GBE1: variants seen among roughly 807,000 people sequenced by gnomAD.
GBE1 encodes 1,4-alpha-glucan branching enzyme 1.
In GBE1, 70 loss-of-function variants were observed where a neutral mutation model predicts 88.8. The ratio of observed to expected loss-of-function variants is 0.79; its 90% CI spans 0.65 to 0.96. The LOEUF (loss-of-function observed/expected upper bound fraction) is 0.96. Ranked by LOEUF, GBE1 falls within the 40% of genes least tolerant of loss-of-function variation. GBE1 has a pLI of 0.00. For synonymous variants in GBE1, 284 were observed against 300.1 expected (o/e 0.95, Z 0.56); for missense variants, 872 against 871.0 (o/e 1.00, Z -0.01).
intron 7 of GBE1, among the ~76,000 whole-genome samples, chr3:81,597,875 A>G (rs1183343853): frequency 6.6e-6 from 1 of 151,956 alleles, no homozygotes; most frequent in African/African-American, 2.4e-5. Context: ...CCTGTAATCA[A>G]GTAATGAGGA....
At chr3:81,495,404 A>G (rs1350562813) in intron 15 of GBE1, among the ~76,000 whole-genome samples, 2 of 152,130 alleles carry the variant, frequency 1.3e-5, no homozygotes, top group Non-Finnish European at 2.9e-5. Context: ...AAACAAACAA[A>G]CATCATTCAA....
At chr3:81,500,611 G>A (rs765038101) in intron 14 of GBE1, among the ~76,000 whole-genome samples, 5 of 152,132 alleles carry the variant, frequency 3.3e-5, no homozygotes, top group Non-Finnish European at 7.4e-5. Flanking sequence ...GGCTAAGTAA[G>A]GCAAGCATAT....
At chr3:81,621,570 A>C (rs934312663) in intron 7 of GBE1, among the ~76,000 whole-genome samples, 2 of 152,026 alleles carry the variant, frequency 1.3e-5, no homozygotes, top group Non-Finnish European at 2.9e-5. Context: ...TTCACCCCCC[A>C]ACAGAAAATT....
At chr3:81,570,744 T>C (rs191646068) in intron 12 of GBE1, among the ~76,000 whole-genome samples, 7 of 152,320 alleles carry the variant, frequency 4.6e-5, no homozygotes, top group African/African-American at 1.7e-4. Flanking sequence ...ATTGATCATG[T>C]GTATACAGTA....
intron 12 of GBE1, among the ~76,000 whole-genome samples, chr3:81,553,683 C>T (rs1167468768): frequency 1.3e-5 from 1 of 79,336 alleles, no homozygotes; most frequent in Non-Finnish European, 2.2e-5. Context: ...CTATGAGAGC[C>T]ATAAGAAAAA....
chr3:81,633,965 A>G (rs1299612436), intron 7 of GBE1, among the ~76,000 whole-genome samples: 1 of 152,186 alleles, frequency 6.6e-6, no homozygotes, highest in Non-Finnish European at 1.5e-5. Flanking sequence ...GAGGTTTCAT[A>G]TAAAATGTGG....
chr3:81,565,268 C>CCT (rs1703476380), intron 12 of GBE1, among the ~76,000 whole-genome samples: 1 of 152,134 alleles, frequency 6.6e-6, no homozygotes, highest in Admixed American at 6.6e-5. Context: ...AGCAAACTTG[C>CCT]CTCAACAAGC....
At chr3:81,662,022 CA>C (rs1705038634) in intron 3 of GBE1, among the ~76,000 whole-genome samples, 1 of 151,974 alleles carries the variant, frequency 6.6e-6, no homozygotes, top group Admixed American at 6.6e-5. Context: ...CTAATTTATT[CA>C]TTTTTTTAAT....
At chr3:81,681,769 A>G (rs1277661464) in intron 2 of GBE1, among the ~76,000 whole-genome samples, 2 of 152,222 alleles carry the variant, frequency 1.3e-5, no homozygotes, top group South Asian at 4.1e-4. Context: ...CCACATAAAA[A>G]AAGAATAAAT....
intron 7 of GBE1, among the ~76,000 whole-genome samples, chr3:81,606,771 T>A (rs1704107784): frequency 6.6e-6 from 1 of 152,226 alleles, no homozygotes; most frequent in Non-Finnish European, 1.5e-5. Flanking sequence ...GCCAACCATA[T>A]CACTTTTGGT....
At chr3:81,652,896 G>T (rs989456326) in intron 3 of GBE1, among the ~76,000 whole-genome samples, 10 of 152,110 alleles carry the variant, frequency 6.6e-5, no homozygotes, top group African/African-American at 2.4e-4. Flanking sequence ...CTGCATTTGT[G>T]TTATGCTCCA....
chr3:81,666,013 G>A (rs941504664), intron 3 of GBE1, among the ~76,000 whole-genome samples: 1 of 142,364 alleles, frequency 7.0e-6, no homozygotes, highest in African/African-American at 2.7e-5. Flanking sequence ...CAGAATAAAT[G>A]CTAATTTATA....
chr3:81,555,853 G>C (rs373041457), intron 12 of GBE1, among the ~76,000 whole-genome samples: 15 of 152,256 alleles, frequency 9.9e-5, no homozygotes, highest in African/African-American at 3.4e-4. Flanking sequence ...CTGCTTTCTA[G>C]AGAATAGACA....
chr3:81,618,562 A>G (rs2107007799), intron 7 of GBE1, among the ~76,000 whole-genome samples: 1 of 152,268 alleles, frequency 6.6e-6, no homozygotes, highest in South Asian at 2.1e-4. Context: ...AACTTTGAAT[A>G]GCAGTGAGAA....
intron 15 of GBE1, among the ~76,000 whole-genome samples, chr3:81,495,106 G>A (rs1169654783): frequency 6.6e-6 from 1 of 152,144 alleles, no homozygotes; most frequent in Non-Finnish European, 1.5e-5. Context: ...ATCATTCAGT[G>A]GGTCGGGCAT....
chr3:81,625,304 T>C (rs991371100), intron 7 of GBE1, among the ~76,000 whole-genome samples: 1 of 152,210 alleles, frequency 6.6e-6, no homozygotes, highest in African/African-American at 2.4e-5. Context: ...GCATTGGCTA[T>C]GATCTTTTAA....
chr3:81,544,239 A>C (rs1703177243), intron 12 of GBE1, among the ~76,000 whole-genome samples: 1 of 152,186 alleles, frequency 6.6e-6, no homozygotes, highest in East Asian at 1.9e-4. Flanking sequence ...TCAACAGATA[A>C]GAGGCTTAGA....
chr3:81,546,214 A>G (rs868132773), intron 12 of GBE1, among the ~76,000 whole-genome samples: 17 of 151,528 alleles, frequency 1.1e-4, no homozygotes, highest in Admixed American at 4.6e-4. Context: ...ACACACACAC[A>G]AACTCACACA....
chr3:81,523,418 T>C (rs1432757117), intron 14 of GBE1, among the ~76,000 whole-genome samples: 4 of 151,580 alleles, frequency 2.6e-5, no homozygotes, highest in African/African-American at 4.8e-5. Flanking sequence ...TGATACAGGA[T>C]ACAATATGTA....
Sources: gnomAD v4.1 joint callset for allele counts (sites outside exome capture counted in the v4.1 genomes callset) on GRCh38, gnomAD v4.1.1 for gene constraint, MANE v1.5 for transcripts, NCBI Gene and HGNC (gene_info 2026-07-23, HGNC 2026-07-21) for gene names.